Variants in ZNF578 observed in about 807,000 individuals in gnomAD.
ZNF578 encodes Putative chemokine-related protein B42.
A neutral mutation model predicts 8.3 loss-of-function variants in ZNF578; 8 were observed. That is an observed-to-expected ratio of 0.96 (90% CI 0.56 to 1.74). The LOEUF is 1.74. Ranked by LOEUF, ZNF578 falls within the 40% of genes most tolerant of loss-of-function variation. The pLI, the probability that ZNF578 is intolerant of heterozygous loss-of-function variation, is 0.00. For missense variants in ZNF578, 726 were observed against 707.5 expected, an observed-to-expected ratio of 1.03 and a Z score of -0.30; for synonymous variants, 206 against 232.2, an observed-to-expected ratio of 0.89 and a Z score of 1.03.
At chr19:52,502,773 G>A (rs193167875) in intron 4 of ZNF578, among the ~76,000 whole-genome samples, 1 of 152,172 alleles carries the variant, frequency 6.6e-6, no homozygotes, top group Non-Finnish European at 1.5e-5. Flanking sequence ...GTGTCGCTCT[G>A]TGGCTTAGTT....
chr19:52,459,522 GTCT>G (rs1242969188), intron 2 of ZNF578, among the ~76,000 whole-genome samples: 2 of 150,542 alleles, frequency 1.3e-5, no homozygotes, highest in African/African-American at 4.9e-5. Context: ...TGGTTTTTCT[GTCT>G]TCTTGGCTAT....
Position 52,498,331 on chromosome 19 carries a change from T to G in ZNF578, c.-19-3496T>G, listed in dbSNP as rs7257676. 1.2e-3 allele frequency among the ~76,000 whole-genome samples: 27 copies of G among 22,922 alleles called. No homozygotes were observed. The South Asian group carries it at 0.016, about 14-fold the overall frequency. 15.0% of individuals were successfully genotyped at this position (22,922 alleles called of 152,430 possible). Reference sequence around the variant, plus strand: ...ACCACCACGCCTGGCTAATGTGTGTTTTTTTTTTTTTTTTTTTTGAGATGG... The same window carrying G: ...ACCACCACGCCTGGCTAATGTGTGTGTTTTTTTTTTTTTTTTTTGAGATGG... On this transcript the variant is annotated intron_variant, in intron 3 of 5. Transcript: ENST00000421239.
intron 2 of ZNF578, among the ~76,000 whole-genome samples, chr19:52,461,377 G>C (rs1384757268): frequency 6.6e-6 from 1 of 151,994 alleles, no homozygotes; most frequent in Non-Finnish European, 1.5e-5. Flanking sequence ...AATTTTCTTT[G>C]GTCTGTTTGA....
At chr19:52,471,182 C>T (rs112382668) in intron 2 of ZNF578, among the ~76,000 whole-genome samples, 2,147 of 152,212 alleles carry the variant, frequency 0.014, 48 homozygotes, top group African/African-American at 0.049. Flanking sequence ...CCAATTAAAC[C>T]TCTTTTCTTT....
chr19:52,493,547 C>T (rs571256349), intron 3 of ZNF578, among the ~76,000 whole-genome samples: 8 of 152,024 alleles, frequency 5.3e-5, no homozygotes, highest in Non-Finnish European at 1.2e-4. Flanking sequence ...AGGGAGGACA[C>T]CGGGGGATCT....
At chr19:52,479,270 T>C (rs1002771871) in intron 2 of ZNF578, among the ~76,000 whole-genome samples, 26 of 151,634 alleles carry the variant, frequency 1.7e-4, no homozygotes, top group African/African-American at 5.8e-4. Context: ...GCGCAGTGGC[T>C]CACGCCTGTA....
chr19:52,476,924 C>G (rs139688035), intron 2 of ZNF578, among the ~76,000 whole-genome samples: 1 of 152,278 alleles, frequency 6.6e-6, no homozygotes, highest in East Asian at 1.9e-4. Flanking sequence ...GATAGATTTC[C>G]CATGTAGTTG....
At chr19:52,465,006 C>T (rs1372729822) in intron 2 of ZNF578, among the ~76,000 whole-genome samples, 1 of 152,200 alleles carries the variant, frequency 6.6e-6, no homozygotes, top group Admixed American at 6.5e-5. Flanking sequence ...CCTCACAAGT[C>T]AGTCAGCATG....
chr19:52,509,930 G>A (rs1352686866), intron 5 of ZNF578, among the ~76,000 whole-genome samples: 1 of 146,750 alleles, frequency 6.8e-6, no homozygotes, highest in Non-Finnish European at 1.5e-5. Context: ...TGCCCAGTGT[G>A]GAGTGCAGTG....
chr19:52,473,727 A>T (rs1323213959), intron 2 of ZNF578: 1 of 264,608 alleles, frequency 3.8e-6, no homozygotes, highest in East Asian at 8.8e-5. Context: ...CATTCCTTAC[A>T]TGTATAAGGT....
rs2059440529 is a variant in ZNF578, at chr19:52,510,486, AT to A, written c.191-80del. 32 of 1,388,552 alleles carry A rather than the reference AT, an allele frequency of 2.3e-5. No individual in the cohort carries two copies. In the South Asian group the frequency reaches 6.8e-4, roughly 30 times the overall value. The allele number at this position is 1,388,552 out of a possible 1,614,324, so 86.0% of individuals were successfully genotyped here. On this transcript the variant is annotated intron_variant, in intron 5 of 5. Coordinates refer to ENST00000421239, the MANE Select transcript of ZNF578 (RefSeq NM_001099694.2). ...CATGTTTGGGAAGTTTAAAATAAGT[AT>A]TTTTTATTGTGTCATATTTACACAC...
rs189204403 is a variant in ZNF578, at chr19:52,495,003, T to C, written c.-20+3578T>C. On this transcript the variant is annotated intron_variant, in intron 3 of 5. Transcript: ENST00000421239. ...TGAGACACCAAGCCCAGCTAGTTGT[T>C]TTTTTTTTCTTTGTTTGTTTTTTTG... Among the ~76,000 whole-genome samples the C allele has an allele frequency of 5.3e-5, 8 of 150,150 alleles. No individual in the cohort carries two copies. In the East Asian group the frequency reaches 5.8e-4, roughly 11 times the overall value.
intron 4 of ZNF578, among the ~76,000 whole-genome samples, chr19:52,502,188 G>C (rs1202612696): frequency 6.6e-6 from 1 of 152,180 alleles, no homozygotes; most frequent in African/African-American, 2.4e-5. Flanking sequence ...TTAACATGGG[G>C]TGTGGGCCCG....
At chr19:52,489,170 G>GAGGCAGGAGAATCTCTTT (rs78525429) in intron 2 of ZNF578, among the ~76,000 whole-genome samples, 4 of 151,788 alleles carry the variant, frequency 2.6e-5, no homozygotes, top group Non-Finnish European at 5.9e-5. Context: ...TCCGGAGGCT[G>GAGGCAGGAGAATCTCTTT]AGGCAGGAGA....
intron 3 of ZNF578, 44 bp from the exon 4 acceptor site, chr19:52,501,779 GGAGT>G: frequency 6.3e-7 from 1 of 1,588,744 alleles, no homozygotes; most frequent in African/African-American, 1.3e-5. Flanking sequence ...TCACAGGAAG[GGAGT>G]GAGTCATATC....
chr19:52,504,452 G>A (rs2059418295), intron 4 of ZNF578, among the ~76,000 whole-genome samples: 2 of 152,004 alleles, frequency 1.3e-5, no homozygotes, highest in Non-Finnish European at 2.9e-5. Flanking sequence ...CTTCCATAGC[G>A]ACTTATGGGA....
chr19:52,463,106 A>G (rs2059263905), intron 2 of ZNF578, among the ~76,000 whole-genome samples: 1 of 152,114 alleles, frequency 6.6e-6, no homozygotes, highest in Non-Finnish European at 1.5e-5. Flanking sequence ...TTGCATTTTT[A>G]AGGTTCGATT....
chr19:52,459,884 C>T lies in ZNF578; in HGVS notation c.-122+2926C>T, dbSNP rs199649448. On this transcript the variant is annotated intron_variant, in intron 2 of 5. Transcript: ENST00000421239. ...CTGCCTCCTAGGTTCAAGTGATTCT[C>T]CTGCCTCAGCCTTCCAAGTACTACA... Among the ~76,000 whole-genome samples the T allele has an allele frequency of 2.1e-4, 29 of 138,006 alleles. No individual in the cohort carries two copies. In the East Asian group the frequency reaches 4.2e-3, roughly 20 times the overall value. The allele number at this position is 138,006 out of a possible 152,430, so 90.5% of individuals were successfully genotyped here. A position where few individuals can be genotyped will look rare whatever the true frequency, so the allele number is the denominator to read the frequency against.
intron 2 of ZNF578, among the ~76,000 whole-genome samples, chr19:52,484,916 A>C (rs1279425303): frequency 7.0e-6 from 1 of 142,554 alleles, no homozygotes; most frequent in Non-Finnish European, 1.5e-5. Context: ...TGTTGCTCCA[A>C]CAAAGCCTGT....
Sources: gnomAD v4.1 joint callset for allele counts (sites outside exome capture counted in the v4.1 genomes callset) on GRCh38, gnomAD v4.1.1 for gene constraint, MANE v1.5 for transcripts, NCBI Gene and HGNC (gene_info 2026-07-23, HGNC 2026-07-21) for gene names.